ATXN2: variants seen among roughly 807,000 people sequenced by gnomAD.
ATXN2 encodes ataxin 2.
Under a neutral mutation model 138.6 loss-of-function variants are expected in ATXN2, and 37 were observed. The observed-to-expected ratio is 0.27, with a 90% CI of 0.21 to 0.35. The LOEUF is 0.35. Ranked by LOEUF, ATXN2 falls within the 10% of genes least tolerant of loss-of-function variation. ATXN2 has a pLI of 1.00. For missense variants in ATXN2, 1,216 were observed against 1,480.3 expected (o/e 0.82, Z 2.93); for synonymous variants, 549 against 543.7 (o/e 1.01, Z -0.13).
At chr12:111,540,696 C>CTTTTT (rs11462759) in intron 5 of ATXN2, among the ~76,000 whole-genome samples, 2 of 126,278 alleles carry the variant, frequency 1.6e-5, no homozygotes, top group Admixed American at 8.0e-5. Context: ...ACGTCTAAGT[C>CTTTTT]TTTTTTTTTT....
rs537623684 is a variant in ATXN2 at position 111,507,413 on chromosome 12, A to T, written c.1935+2136T>A. 1.6e-3 allele frequency among the ~76,000 whole-genome samples: 238 copies of T among 147,146 alleles called. 2 individuals carry two copies. Among genetic ancestry groups the T allele is most frequent in the African/African-American group, 5.8e-3 (227 of 39,278 alleles). ...CAGCCGCCCCGTCTGAGAAGTGAGA[A>T]GCCCCTCCGCCTGGCAGCCACCCCG... On this transcript the variant is annotated intron_variant, in intron 14 of 24. Transcript: ENST00000673436.
At position 111,452,252 on chromosome 12, in the gene ATXN2, T is replaced by G. The variant is rs576986079; in HGVS notation, c.*560A>C. 6.6e-6 allele frequency: 1 copy of G among 152,494 alleles called. No individual in the cohort carries two copies. 9.4% of individuals were successfully genotyped at this position (152,494 alleles called of 1,614,324 possible). A position where few individuals can be genotyped will look rare whatever the true frequency, so the allele number is the denominator to read the frequency against. ...CTTTTTTTATTTTTTAAATTTTTTT[T>G]AAGTTTTTATTTTATATTATCTACA... On this transcript the variant is annotated 3_prime_UTR_variant, in exon 25 of 25. Transcript: ENST00000673436.
In ATXN2 at chr12:111,579,452, G is replaced by T. The variant is rs185176325; in HGVS notation, c.251+19332C>A. On this transcript the variant is annotated intron_variant, in intron 1 of 24. Transcript: ENST00000673436. ...TAATTTTGTATTTTTAGTAGAGATGGGGTTTCTCCATGTTGGTCAGGCTGG... is the reference window on the plus strand; with the variant it reads ...TAATTTTGTATTTTTAGTAGAGATGTGGTTTCTCCATGTTGGTCAGGCTGG... 5.5e-3 allele frequency among the ~76,000 whole-genome samples: 835 copies of T among 151,964 alleles called. 6 individuals are homozygous for T. Among genetic ancestry groups the T allele is most frequent in the African/African-American group, 0.019 (783 of 41,466 alleles).
intron 14 of ATXN2, among the ~76,000 whole-genome samples, chr12:111,498,139 C>T (rs552031926): frequency 3.9e-5 from 6 of 152,138 alleles, no homozygotes; most frequent in Admixed American, 1.3e-4. Context: ...AACTGAAAGG[C>T]TTTCCTCTAA....
At chr12:111,536,592 A>C (rs1881191018) in intron 5 of ATXN2, among the ~76,000 whole-genome samples, 1 of 152,168 alleles carries the variant, frequency 6.6e-6, no homozygotes, top group Admixed American at 6.5e-5. Context: ...CCTGTGCAAC[A>C]GTGAGACCCC....
intron 5 of ATXN2, among the ~76,000 whole-genome samples, chr12:111,541,613 G>A (rs1349935833): frequency 1.3e-5 from 2 of 148,450 alleles, no homozygotes; most frequent in South Asian, 2.1e-4. Context: ...AATTATAGGC[G>A]TGAGCCACCG....
chr12:111,595,366 G>A (rs940857427), intron 1 of ATXN2, among the ~76,000 whole-genome samples: 1 of 152,188 alleles, frequency 6.6e-6, no homozygotes, highest in Non-Finnish European at 1.5e-5. Flanking sequence ...TTACAGCCGG[G>A]CGCAGTGGCT....
chr12:111,519,766 C>A, intron 8 of ATXN2, 113 bp downstream of exon 8: 1 of 1,523,800 alleles, frequency 6.6e-7, no homozygotes, highest in Non-Finnish European at 8.8e-7. Flanking sequence ...ATTCTACTTG[C>A]ATTCTCTACC....
At chr12:111,527,319 C>T (rs910763828) in intron 5 of ATXN2, among the ~76,000 whole-genome samples, 1 of 152,176 alleles carries the variant, frequency 6.6e-6, no homozygotes, top group African/African-American at 2.4e-5. Flanking sequence ...CTGTAAGTTG[C>T]CACTAAGAGG....
intron 21 of ATXN2, chr12:111,458,443 A>G (rs1875294897): frequency 6.6e-6 from 1 of 152,196 alleles, no homozygotes; most frequent in Non-Finnish European, 1.5e-5. Flanking sequence ...ATGTGCTTCA[A>G]AAACAGTAAG....
At chr12:111,481,350 C>A (rs999276039) in intron 18 of ATXN2, among the ~76,000 whole-genome samples, 2 of 152,096 alleles carry the variant, frequency 1.3e-5, no homozygotes. Flanking sequence ...GAGGGTGAGG[C>A]AGGAGAATTG....
intron 20 of ATXN2, among the ~76,000 whole-genome samples, chr12:111,467,307 C>CTTT (rs61507608): frequency 0.024 from 851 of 34,828 alleles, 317 homozygotes; most frequent in African/African-American, 0.12. Flanking sequence ...CATGACTGGG[C>CTTT]TTTTTTTTTT....
At position 111,552,439 on chromosome 12, in the gene ATXN2, A is replaced by G. The variant is rs773016976; in HGVS notation, c.421-9T>C. ...TCAAGTACCAAATCACACTAAAATG[A>G]AAAACACAAGTAAGTACTCCAAACC... On this transcript the variant is annotated splice_polypyrimidine_tract_variant and intron_variant, in intron 4 of 24. Transcript: ENST00000673436. This position sits in a 1 kb window ranked among gnomAD's most constrained non-coding sequence, Gnocchi z 4.1. 1 of 1,603,698 alleles carries G rather than the reference A, an allele frequency of 6.2e-7. No homozygotes were observed. Among genetic ancestry groups the G allele is most frequent in the Non-Finnish European group, 8.5e-7 (1 of 1,177,352 alleles).
At chr12:111,457,119 ATGTG>A in intron 22 of ATXN2, 91 bp downstream of exon 22, 2 of 1,423,332 alleles carry the variant, frequency 1.4e-6, no homozygotes, top group Non-Finnish European at 1.9e-6. Flanking sequence ...TGGACATGCC[ATGTG>A]TTCTGACGAT....
At chr12:111,563,176 G>C (rs1882792544) in intron 1 of ATXN2, among the ~76,000 whole-genome samples, 1 of 152,124 alleles carries the variant, frequency 6.6e-6, no homozygotes, top group Non-Finnish European at 1.5e-5. Context: ...AGTCATAAAA[G>C]ACAAAGAAAC....
chr12:111,582,728 G>A (rs1261735881), intron 1 of ATXN2, among the ~76,000 whole-genome samples: 1 of 152,188 alleles, frequency 6.6e-6, no homozygotes, highest in Non-Finnish European at 1.5e-5. Flanking sequence ...GAGTGCAGTG[G>A]CACCATCTCC....
intron 18 of ATXN2, chr12:111,471,021 C>T (rs1271884059): frequency 1.2e-5 from 5 of 408,494 alleles, no homozygotes; most frequent in Non-Finnish European, 4.6e-6. Flanking sequence ...TCTCTCATGG[C>T]CCTCAGACTT....
intron 21 of ATXN2, chr12:111,461,006 A>G (rs1217103966): frequency 1.3e-5 from 2 of 152,268 alleles, no homozygotes; most frequent in Non-Finnish European, 2.9e-5. Context: ...CATTGATTAA[A>G]AACAAGACGA....
intron 5 of ATXN2, among the ~76,000 whole-genome samples, chr12:111,531,741 G>A (rs1880849343): frequency 6.6e-6 from 1 of 152,214 alleles, no homozygotes; most frequent in African/African-American, 2.4e-5. Context: ...ACGCTCCTCA[G>A]GCTAGAATGG....
Sources: allele counts gnomAD v4.1 joint callset (sites outside exome capture counted in the v4.1 genomes callset), GRCh38; gene constraint gnomAD v4.1.1; non-coding constraint Gnocchi (gnomAD v3.1); transcripts MANE v1.5; gene names NCBI Gene and HGNC (gene_info 2026-07-23, HGNC 2026-07-21).